Variants in CD44 observed in about 807,000 individuals in gnomAD.
CD44 encodes the protein CD44 antigen.
Under a neutral mutation model 88.8 loss-of-function variants are expected in CD44, and 49 were observed. That is an observed-to-expected ratio of 0.55 (90% CI 0.44 to 0.70). The LOEUF is 0.70. CD44 is among the 30% of genes least tolerant of loss of function. The pLI, the probability that CD44 is intolerant of heterozygous loss-of-function variation, is 0.00. For synonymous variants in CD44, 325 were observed against 312.3 expected (o/e 1.04, Z -0.43); for missense variants, 883 against 913.8 (o/e 0.97, Z 0.43).
rs1330789856 is a variant in CD44, at chr11:35,231,270, T to C, written c.*1937T>C. 2 of 152,430 alleles carry C rather than the reference T, an allele frequency of 1.3e-5. No homozygotes were observed. Among genetic ancestry groups the C allele is most frequent in the South Asian group, 2.1e-4 (1 of 4,824 alleles). The allele number at this position is 152,430 out of a possible 1,614,324, so 9.4% of individuals were successfully genotyped here. On this transcript the variant is annotated 3_prime_UTR_variant, in exon 18 of 18. Coordinates refer to ENST00000428726, the MANE Select transcript of CD44 (RefSeq NM_000610.4). ...AGTGCCTCTTGTTTTCCCAGAGATTTCCTGGGTCTGCCAGAGGCCCAGACA... is the reference window on the plus strand; with the variant it reads ...AGTGCCTCTTGTTTTCCCAGAGATTCCCTGGGTCTGCCAGAGGCCCAGACA...
chr11:35,217,188 G>T (rs1447326192), intron 15 of CD44, among the ~76,000 whole-genome samples: 1 of 151,976 alleles, frequency 6.6e-6, no homozygotes, highest in Non-Finnish European at 1.5e-5. Flanking sequence ...TGGCTTCTGA[G>T]CAGGTGTCTA....
chr11:35,206,031 C>A (rs1947802558), intron 10 of CD44, 81 bp from the exon 11 acceptor site: 4 of 1,456,066 alleles, frequency 2.7e-6, no homozygotes, highest in Non-Finnish European at 3.6e-6. Flanking sequence ...AGAATAAAGT[C>A]TTTTTTAAAA....
Position 35,229,860 on chromosome 11 carries a change from C to T in CD44, c.*527C>T, listed in dbSNP as rs1949973434. ...ATTTTTCAGATGCTTCTGGGAGACACCCAAAGGGTGAAGCTATTTATCTGT... is the reference window on the plus strand; with the variant it reads ...ATTTTTCAGATGCTTCTGGGAGACATCCAAAGGGTGAAGCTATTTATCTGT... On this transcript the variant is annotated 3_prime_UTR_variant, in exon 18 of 18. Transcript: ENST00000428726. The T allele has an allele frequency of 6.4e-6, 1 of 157,074 alleles. No individual in the cohort carries two copies. Among genetic ancestry groups the T allele is most frequent in the African/African-American group, 2.4e-5 (1 of 41,502 alleles). 9.7% of individuals were successfully genotyped at this position (157,074 alleles called of 1,614,324 possible).
intron 1 of CD44, among the ~76,000 whole-genome samples, chr11:35,140,362 A>G (rs1053310655): frequency 5.3e-5 from 8 of 152,350 alleles, no homozygotes; most frequent in African/African-American, 9.6e-5. Flanking sequence ...TCGCTGGCCA[A>G]AATTAATCTT....
chr11:35,200,700 T>C (rs1239195489), intron 7 of CD44: 1 of 183,998 alleles, frequency 5.4e-6, no homozygotes, highest in East Asian at 1.2e-4. Flanking sequence ...ACTAAGTCCC[T>C]GGGCTTTCAA....
intron 3 of CD44, among the ~76,000 whole-genome samples, chr11:35,185,549 T>A (rs112060355): frequency 4.0e-5 from 6 of 151,266 alleles, no homozygotes; most frequent in African/African-American, 1.5e-4. Flanking sequence ...GTGATAGCAG[T>A]CTGTCTGTCT....
intron 7 of CD44, among the ~76,000 whole-genome samples, chr11:35,198,842 A>G (rs1247460055): frequency 1.3e-5 from 2 of 151,704 alleles, no homozygotes; most frequent in African/African-American, 4.8e-5. Flanking sequence ...AACCAGGCGT[A>G]GTGGCGGGTG....
intron 15 of CD44, chr11:35,218,991 A>G (rs2134320405): frequency 3.4e-6 from 1 of 292,002 alleles, no homozygotes; most frequent in Middle Eastern, 1.1e-3. Flanking sequence ...GACCCAGCAC[A>G]CATGGCTAGT....
intron 1 of CD44, among the ~76,000 whole-genome samples, chr11:35,145,259 A>G (rs1166021257): frequency 2.6e-5 from 4 of 152,244 alleles, no homozygotes; most frequent in African/African-American, 9.6e-5. Flanking sequence ...TCCCAGTAAT[A>G]TTGACCCATA....
intron 4 of CD44, among the ~76,000 whole-genome samples, chr11:35,187,698 G>A (rs1040800226): frequency 2.0e-5 from 3 of 152,158 alleles, no homozygotes; most frequent in Non-Finnish European, 2.9e-5. Flanking sequence ...ATTAATAAGT[G>A]TCAGGTGTAG....
chr11:35,169,703 C>G (rs12365919), intron 1 of CD44, among the ~76,000 whole-genome samples: 2 of 152,182 alleles, frequency 1.3e-5, no homozygotes, highest in African/African-American at 2.4e-5. Context: ...CTCGCAGGCC[C>G]TACAATCTAG....
intron 17 of CD44, chr11:35,222,945 G>C (rs1949422799): frequency 5.1e-6 from 5 of 985,312 alleles, no homozygotes; most frequent in South Asian, 9.4e-5. Flanking sequence ...CTGGTTTTTG[G>C]AAAGCAACCA....
At position 35,213,251 on chromosome 11, in the gene CD44, A is replaced by G. The variant is rs79134049; in HGVS notation, c.1811-1601A>G. 3.7e-4 allele frequency among the ~76,000 whole-genome samples: 56 copies of G among 152,350 alleles called. 1 individual carries two copies. In the East Asian group the frequency reaches 0.011, roughly 29 times the overall value. On this transcript the variant is annotated intron_variant, in intron 14 of 17. Coordinates refer to ENST00000428726, the MANE Select transcript of CD44 (RefSeq NM_000610.4). ...CAGACACTGATTCTTTCTGATTTCC[A>G]CAGTGGTACGGACAGATTTTCCATA...
chr11:35,225,989 G>A (rs1949670385), intron 17 of CD44, among the ~76,000 whole-genome samples: 1 of 152,124 alleles, frequency 6.6e-6, no homozygotes, highest in African/African-American at 2.4e-5. Context: ...AGCCCCTTAA[G>A]GTCTAGTGCT....
intron 4 of CD44, among the ~76,000 whole-genome samples, chr11:35,187,111 A>G (rs938689949): frequency 1.3e-5 from 2 of 152,040 alleles, no homozygotes; most frequent in African/African-American, 4.8e-5. Context: ...TATCTCTACT[A>G]AAAATACAAA....
At chr11:35,220,048 G>C (rs1198073825) in intron 16 of CD44, among the ~76,000 whole-genome samples, 1 of 152,160 alleles carries the variant, frequency 6.6e-6, no homozygotes, top group Non-Finnish European at 1.5e-5. Flanking sequence ...CTAAAGGGAA[G>C]GGTTCTCCTA....
intron 17 of CD44, chr11:35,223,036 C>G: frequency 3.0e-6 from 3 of 985,314 alleles, no homozygotes; most frequent in Non-Finnish European, 3.6e-6. Flanking sequence ...ACAATAATTA[C>G]GCTGGTACAA....
At chr11:35,162,922 G>A (rs1942814154) in intron 1 of CD44, among the ~76,000 whole-genome samples, 1 of 152,068 alleles carries the variant, frequency 6.6e-6, no homozygotes, top group Non-Finnish European at 1.5e-5. Flanking sequence ...GTACACCCAT[G>A]TTCGCTTTAG....
At chr11:35,180,091 T>C (rs950195699) in intron 2 of CD44, among the ~76,000 whole-genome samples, 183 bp from the exon 3 acceptor site, 1 of 152,152 alleles carries the variant, frequency 6.6e-6, no homozygotes, top group Non-Finnish European at 1.5e-5. Context: ...TCAGTCTTGT[T>C]GATCTCTTTC....
Sources: gnomAD v4.1 joint callset for allele counts (sites outside exome capture counted in the v4.1 genomes callset) on GRCh38, gnomAD v4.1.1 for gene constraint, MANE v1.5 for transcripts, NCBI Gene and HGNC (gene_info 2026-07-23, HGNC 2026-07-21) for gene names.